Variants in TOX observed in about 807,000 individuals in gnomAD.
TOX encodes the protein thymocyte selection associated high mobility group box, also known as thymocyte selection-associated high mobility group box protein TOX.
A neutral mutation model predicts 53.7 loss-of-function variants in TOX; 11 were observed. The ratio of observed to expected loss-of-function variants is 0.20; its 90% CI spans 0.13 to 0.34. TOX has a LOEUF of 0.34. Ranked by LOEUF, TOX falls within the 10% of genes least tolerant of loss-of-function variation. TOX has a pLI of 1.00. For missense variants in TOX, 570 were observed against 664.6 expected (o/e 0.86, Z 1.56); for synonymous variants, 225 against 245.3 (o/e 0.92, Z 0.77).
intron 1 of TOX, among the ~76,000 whole-genome samples, chr8:58,963,057 G>C (rs12681173): frequency 0.46 from 70,376 of 152,156 alleles, 18,077 homozygotes; most frequent in East Asian, 0.59. Context: ...ACTGACTAGA[G>C]TAAATGAATT....
At chr8:59,063,598 T>C (rs747196018) in intron 1 of TOX, among the ~76,000 whole-genome samples, 1 of 151,974 alleles carries the variant, frequency 6.6e-6, no homozygotes, top group Admixed American at 6.6e-5. Flanking sequence ...TAATTTTTTA[T>C]ATTTTTAGTA....
chr8:58,967,694 C>G (rs1220024943), intron 1 of TOX, among the ~76,000 whole-genome samples: 2 of 152,226 alleles, frequency 1.3e-5, no homozygotes, highest in East Asian at 3.8e-4. Context: ...CTATGTCCCT[C>G]ATGCCCAGCA....
At chr8:58,915,293 A>G (rs879390672) in intron 3 of TOX, among the ~76,000 whole-genome samples, 2,046 of 120,390 alleles carry the variant, frequency 0.017, 27 homozygotes, top group Middle Eastern at 0.067. Context: ...TGCAGACTTA[A>G]GTGTCCCTGT....
At chr8:58,832,040 T>C (rs1165094065) in intron 5 of TOX, among the ~76,000 whole-genome samples, 3 of 151,422 alleles carry the variant, frequency 2.0e-5, no homozygotes, top group Non-Finnish European at 2.9e-5. Context: ...TATTTGTATA[T>C]GTGTAAAACA....
rs146507460 is a variant in TOX at position 58,951,674 on chromosome 8, T to C, written c.168+8269A>G. 3.3e-3 allele frequency among the ~76,000 whole-genome samples: 509 copies of C among 152,290 alleles called. 2 individuals are homozygous for C. Among genetic ancestry groups the C allele is most frequent in the Middle Eastern group, 0.014 (4 of 294 alleles). The stretch of plus-strand genomic sequence containing the variant: ...TCTTGAAGGAAGGCCTCCCCTGAAA[T>C]GCTGGGAGGCCCAGTTGCAAACAGG... On this transcript the variant is annotated intron_variant, in intron 2 of 8. Transcript: ENST00000361421.
At chr8:59,068,844 C>T (rs79100246) in intron 1 of TOX, among the ~76,000 whole-genome samples, 2,705 of 152,178 alleles carry the variant, frequency 0.018, 66 homozygotes, top group African/African-American at 0.062. Context: ...AGGGTGGCCA[C>T]GGGCCCAGAG....
At chr8:59,115,863 C>T (rs1454022307) in intron 1 of TOX, among the ~76,000 whole-genome samples, 3 of 152,038 alleles carry the variant, frequency 2.0e-5, no homozygotes, top group Non-Finnish European at 4.4e-5. Context: ...ATGTTCATAA[C>T]GTGTATTAGT....
chr8:59,086,327 T>C (rs1033930719), intron 1 of TOX, among the ~76,000 whole-genome samples: 5 of 152,134 alleles, frequency 3.3e-5, no homozygotes, highest in Admixed American at 3.3e-4. Context: ...TCTTGGGGTG[T>C]GAAGAGACAT....
chr8:58,922,959 G>A (rs1812096513), intron 3 of TOX, among the ~76,000 whole-genome samples: 1 of 152,170 alleles, frequency 6.6e-6, no homozygotes. Context: ...ATAGAGGGAT[G>A]GCTAAGCGCA....
chr8:59,049,494 T>G (rs553534185), intron 1 of TOX, among the ~76,000 whole-genome samples: 10 of 152,184 alleles, frequency 6.6e-5, no homozygotes, highest in Non-Finnish European at 1.5e-4. Context: ...AATGATCATA[T>G]CTACAATACA....
intron 1 of TOX, among the ~76,000 whole-genome samples, chr8:59,035,665 T>C (rs760390820): frequency 5.3e-5 from 8 of 152,236 alleles, no homozygotes; most frequent in Non-Finnish European, 1.0e-4. Flanking sequence ...AACAAAACAT[T>C]TAGTGAAAAA....
At chr8:58,858,718 C>T (rs1475420196) in intron 3 of TOX, among the ~76,000 whole-genome samples, 1 of 152,220 alleles carries the variant, frequency 6.6e-6, no homozygotes, top group Non-Finnish European at 1.5e-5. Context: ...ACCCTGCTGG[C>T]TTTAGCTGTG....
At chr8:59,065,935 T>C (rs1459905856) in intron 1 of TOX, among the ~76,000 whole-genome samples, 1 of 152,176 alleles carries the variant, frequency 6.6e-6, no homozygotes, top group Non-Finnish European at 1.5e-5. Flanking sequence ...TGATTTACCA[T>C]GACGGTTTGA....
chr8:59,074,578 C>T (rs10097255), intron 1 of TOX, among the ~76,000 whole-genome samples: 43,952 of 151,850 alleles, frequency 0.29, 10,582 homozygotes, highest in African/African-American at 0.66. Flanking sequence ...TGCAATATTG[C>T]GTTAAAAAAA....
intron 1 of TOX, among the ~76,000 whole-genome samples, chr8:59,059,968 G>A (rs1803951556): frequency 6.6e-6 from 1 of 151,638 alleles, no homozygotes; most frequent in South Asian, 2.1e-4. Flanking sequence ...AGTAGACACA[G>A]GCTTAATGTA....
chr8:58,883,107 C>T (rs1445264268), intron 3 of TOX, among the ~76,000 whole-genome samples: 1 of 152,140 alleles, frequency 6.6e-6, no homozygotes, highest in Non-Finnish European at 1.5e-5. Context: ...TCAGCAGTGT[C>T]ATTAGACATC....
chr8:59,095,729 G>T (rs1804702370), intron 1 of TOX, among the ~76,000 whole-genome samples: 1 of 152,192 alleles, frequency 6.6e-6, no homozygotes, highest in Non-Finnish European at 1.5e-5. Context: ...AAAAGATGCA[G>T]ATTCCTGCAC....
intron 6 of TOX, 112 bp downstream of exon 6, chr8:58,826,710 C>A: frequency 1.1e-6 from 1 of 907,052 alleles, no homozygotes; most frequent in African/African-American, 1.7e-5. Flanking sequence ...TTTTTTCCAA[C>A]AAAGAAGATT....
intron 5 of TOX, among the ~76,000 whole-genome samples, chr8:58,830,844 T>C (rs1229973521): frequency 6.6e-6 from 1 of 152,188 alleles, no homozygotes; most frequent in Admixed American, 6.5e-5. Flanking sequence ...TTCATATTTA[T>C]AGAAAATCCT....
Sources: gnomAD v4.1 joint callset for allele counts (sites outside exome capture counted in the v4.1 genomes callset) on GRCh38, gnomAD v4.1.1 for gene constraint, MANE v1.5 for transcripts, NCBI Gene and HGNC (gene_info 2026-07-23, HGNC 2026-07-21) for gene names.